Variants in SULF2 observed in about 807,000 individuals in gnomAD.
The protein encoded by SULF2 is extracellular sulfatase Sulf-2.
In SULF2, 52 loss-of-function variants were observed where a neutral mutation model predicts 107.7. The ratio of observed to expected loss-of-function variants is 0.48; its 90% CI spans 0.39 to 0.61. The LOEUF is 0.61. Among genes scored for constraint, SULF2 ranks in the 20% least tolerant of loss-of-function variants. SULF2 has a pLI of 0.00. For synonymous variants in SULF2, 460 were observed against 464.3 expected (o/e 0.99, Z 0.12); for missense variants, 993 against 1,177.3 (o/e 0.84, Z 2.29).
intron 11 of SULF2, among the ~76,000 whole-genome samples, chr20:47,669,253 C>T (rs564513657): frequency 4.5e-4 from 69 of 152,290 alleles, no homozygotes; most frequent in Non-Finnish European, 7.9e-4. Context: ...TTCCTGGGTC[C>T]CCCTTCTGCT....
chr20:47,738,019 C>A (rs1331773166), intron 2 of SULF2, among the ~76,000 whole-genome samples: 2 of 152,032 alleles, frequency 1.3e-5, no homozygotes, highest in Non-Finnish European at 2.9e-5. Flanking sequence ...GCTGTCATTA[C>A]AGTCATGAAC....
In SULF2 at chr20:47,663,132, G is replaced by T. The variant is rs2087139975; in HGVS notation, c.2308C>A (p.Leu770Ile). 1 of 1,614,146 alleles carries T rather than the reference G, an allele frequency of 6.2e-7. No homozygotes were observed. Among genetic ancestry groups the T allele is most frequent in the African/African-American group, 1.3e-5 (1 of 75,046 alleles). The change falls in exon 17 of 21, where the codon CTC becomes ATC. Residue 770 changes from leucine (L) to isoleucine (I), a missense_variant. Leu to Ile is a conservative substitution (Grantham distance 5). Around this residue, in one of 3 missense-constraint regions of SULF2, gnomAD observed 497 missense variants for 544.1 expected, o/e 0.91. Coordinates refer to ENST00000688720, the MANE Select transcript of SULF2 (RefSeq NM_001387048.1). ...MRTINETHNF[L>I]FCEFATGFLE... The stretch of plus-strand genomic sequence containing the variant: ...AAGCCAGTTGCAAATTCACAGAAGA[G>T]GAAATTGTGAGTCTCATTGATGGTC...
chr20:47,668,663 G>A (rs952566413), intron 11 of SULF2, among the ~76,000 whole-genome samples: 1 of 152,218 alleles, frequency 6.6e-6, no homozygotes, highest in Non-Finnish European at 1.5e-5. Context: ...GCACGAAACG[G>A]AACTAGTGAA....
chr20:47,743,877 C>T (rs2146827741), intron 2 of SULF2, among the ~76,000 whole-genome samples: 1 of 152,324 alleles, frequency 6.6e-6, no homozygotes, highest in Admixed American at 6.5e-5. Context: ...TTTGCACCTG[C>T]CACTCCTCAG....
intron 3 of SULF2, among the ~76,000 whole-genome samples, chr20:47,731,180 ATCTTC>A (rs1460175349): frequency 0.017 from 1,814 of 108,232 alleles, 25 homozygotes; most frequent in Middle Eastern, 0.036. Flanking sequence ...ACTCACCTGT[ATCTTC>A]TCTTTTTTTT....
At chr20:47,755,748 G>A (rs2090266381) in intron 2 of SULF2, among the ~76,000 whole-genome samples, 1 of 151,916 alleles carries the variant, frequency 6.6e-6, no homozygotes, top group African/African-American at 2.4e-5. Context: ...GTGAGGTCAC[G>A]GCCTTCCTCT....
At chr20:47,674,042 C>A (rs1026621401) in intron 10 of SULF2, among the ~76,000 whole-genome samples, 4 of 152,264 alleles carry the variant, frequency 2.6e-5, no homozygotes, top group African/African-American at 9.6e-5. Context: ...CTAGTCAACT[C>A]CAGCCCACAG....
chr20:47,664,303 C>T (rs998485673), intron 14 of SULF2, 114 bp from the exon 15 acceptor site: 1 of 1,058,018 alleles, frequency 9.5e-7, no homozygotes, highest in African/African-American at 1.6e-5. Flanking sequence ...CACCCCTGTC[C>T]CTCCTTCTGG....
At chr20:47,754,941 T>C (rs1333894018) in intron 2 of SULF2, among the ~76,000 whole-genome samples, 1 of 152,178 alleles carries the variant, frequency 6.6e-6, no homozygotes, top group Non-Finnish European at 1.5e-5. Context: ...GCTCAAGTGA[T>C]CCTCCACCTC....
chr20:47,777,593 G>C (rs554666313), intron 1 of SULF2, among the ~76,000 whole-genome samples: 31 of 152,170 alleles, frequency 2.0e-4, no homozygotes, highest in Non-Finnish European at 4.3e-4. Flanking sequence ...TATTGCATAA[G>C]CCACTGTCAG....
chr20:47,661,873 C>T lies in SULF2; in HGVS notation c.2394G>A (p.Leu798=). 1.9e-6 allele frequency: 3 copies of T among 1,583,778 alleles called. No homozygotes were observed. Among genetic ancestry groups the T allele is most frequent in the East Asian group, 2.3e-5 (1 of 43,894 alleles). ...GTAGCTGGTTGAGGACATCCCTGTC[C>T]AGTGTGTTCACTGCATTCATCAGCT... ...PYQLMNAVNT[L]DRDVLNQLHV... Residue 798 remains leucine, a synonymous_variant, in exon 18 of 21, where the codon CTG becomes CTA. Transcript: ENST00000688720.
rs940536606 is a variant in SULF2 at position 47,657,951 on chromosome 20, A to T, written c.*411T>A. 1 of 213,714 alleles carries T rather than the reference A, an allele frequency of 4.7e-6. No individual in the cohort carries two copies. Among genetic ancestry groups the T allele is most frequent in the Admixed American group, 5.3e-5 (1 of 19,008 alleles). The allele number at this position is 213,714 out of a possible 1,614,324, so 13.2% of individuals were successfully genotyped here. A position where few individuals can be genotyped will look rare whatever the true frequency, so the allele number is the denominator to read the frequency against. Reference sequence around the variant, plus strand: ...TCCTTCTTTGTGACAAACCAAAAGAATAAGAGGATTTAGAACAGGACTGCT... The same window carrying T: ...TCCTTCTTTGTGACAAACCAAAAGATTAAGAGGATTTAGAACAGGACTGCT... On this transcript the variant is annotated 3_prime_UTR_variant, in exon 21 of 21. Coordinates refer to ENST00000688720, the MANE Select transcript of SULF2 (RefSeq NM_001387048.1).
At chr20:47,783,144 A>G (rs2090861632) in intron 1 of SULF2, among the ~76,000 whole-genome samples, 1 of 152,250 alleles carries the variant, frequency 6.6e-6, no homozygotes, top group Non-Finnish European at 1.5e-5. Context: ...GGCTTAGATC[A>G]ATGCCTCAGA....
At chr20:47,750,447 C>T (rs754859087) in intron 2 of SULF2, among the ~76,000 whole-genome samples, 2 of 152,248 alleles carry the variant, frequency 1.3e-5, no homozygotes, top group Non-Finnish European at 2.9e-5. Context: ...GCACTTACTA[C>T]TTTCCTCACT....
chr20:47,777,525 A>G (rs1286464074), intron 1 of SULF2, among the ~76,000 whole-genome samples: 3 of 152,084 alleles, frequency 2.0e-5, no homozygotes, highest in African/African-American at 7.2e-5. Context: ...TGTACTGAAA[A>G]ACCAGCGCCT....
At chr20:47,712,254 G>A (rs963203501) in intron 3 of SULF2, among the ~76,000 whole-genome samples, 1 of 152,162 alleles carries the variant, frequency 6.6e-6, no homozygotes, top group Non-Finnish European at 1.5e-5. Flanking sequence ...ACGCACTGCT[G>A]AGCTCACTCT....
At chr20:47,685,229 A>G (rs951442981) in intron 5 of SULF2, 11 of 152,268 alleles carry the variant, frequency 7.2e-5, no homozygotes, top group Admixed American at 7.2e-4. Flanking sequence ...GACATGCCAC[A>G]TTCTTTTTTA....
chr20:47,743,032 C>T (rs977779032), intron 2 of SULF2, among the ~76,000 whole-genome samples: 67 of 150,524 alleles, frequency 4.5e-4, no homozygotes, highest in African/African-American at 1.6e-3. Context: ...CCCTGTACCC[C>T]TCCCAGACAA....
At chr20:47,742,116 T>A (rs1466989400) in intron 2 of SULF2, among the ~76,000 whole-genome samples, 1 of 152,246 alleles carries the variant, frequency 6.6e-6, no homozygotes, top group Non-Finnish European at 1.5e-5. Context: ...TGCTATGTGC[T>A]AAGCCTCCCC....
Sources: allele counts gnomAD v4.1 joint callset (sites outside exome capture counted in the v4.1 genomes callset), GRCh38; gene constraint gnomAD v4.1.1; regional missense constraint gnomAD v4.1.1; transcripts MANE v1.5; gene names NCBI Gene and HGNC (gene_info 2026-07-23, HGNC 2026-07-21).